DCC: variants seen among roughly 807,000 people sequenced by gnomAD.
DCC encodes the protein netrin receptor DCC.
DCC carries 58 observed loss-of-function variants against 172.5 expected under a neutral mutation model. The ratio of observed to expected loss-of-function variants is 0.34; its 90% confidence interval spans 0.27 to 0.42. The LOEUF (loss-of-function observed/expected upper bound fraction) is 0.42. DCC is among the 10% of genes least tolerant of loss of function. DCC has a pLI of 1.00. For synonymous variants in DCC, 709 were observed against 644.5 expected, an observed-to-expected ratio of 1.10 and a Z score of -1.52; for missense variants, 1,740 against 1,791.0, an observed-to-expected ratio of 0.97 and a Z score of 0.51.
chr18:52,808,317 C>T (rs1278961195), intron 2 of DCC, among the ~76,000 whole-genome samples: 1 of 151,824 alleles, frequency 6.6e-6, no homozygotes, highest in African/African-American at 2.4e-5. Flanking sequence ...TGTGATTTGA[C>T]ATCTAAACCA....
intron 5 of DCC, among the ~76,000 whole-genome samples, chr18:53,052,764 C>T (rs922036278): frequency 2.3e-4 from 35 of 152,184 alleles, no homozygotes; most frequent in African/African-American, 8.2e-4. Context: ...CTGTTCATTT[C>T]ATTGATGGTC....
intron 1 of DCC, among the ~76,000 whole-genome samples, chr18:52,624,793 T>C (rs1040406097): frequency 2.0e-5 from 3 of 152,158 alleles, no homozygotes; most frequent in African/African-American, 7.2e-5. Flanking sequence ...CTTTTCCATC[T>C]CATTAAGGAG....
chr18:52,836,557 G>A (rs560529444), intron 2 of DCC, among the ~76,000 whole-genome samples: 1 of 152,296 alleles, frequency 6.6e-6, no homozygotes, highest in South Asian at 2.1e-4. Context: ...AATCCAACAG[G>A]GCAGTCATTA....
chr18:52,803,724 G>T (rs1160599412), intron 2 of DCC, among the ~76,000 whole-genome samples: 1 of 152,032 alleles, frequency 6.6e-6, no homozygotes, highest in African/African-American at 2.4e-5. Context: ...TCACACCTAG[G>T]TTGCTCAAGA....
chr18:53,311,815 G>T (rs1477318179), intron 13 of DCC, among the ~76,000 whole-genome samples: 1 of 152,170 alleles, frequency 6.6e-6, no homozygotes, highest in East Asian at 1.9e-4. Context: ...GTTTTTCATG[G>T]TCAACCAGCT....
intron 11 of DCC, among the ~76,000 whole-genome samples, chr18:53,209,452 T>C (rs1339195898): frequency 6.6e-6 from 1 of 152,170 alleles, no homozygotes; most frequent in Non-Finnish European, 1.5e-5. Flanking sequence ...ATCTTTTTAA[T>C]TAAAAAATGA....
At chr18:53,376,090 A>G (rs1907265483) in intron 15 of DCC, among the ~76,000 whole-genome samples, 2 of 152,124 alleles carry the variant, frequency 1.3e-5, no homozygotes, top group South Asian at 4.1e-4. Flanking sequence ...TAATTGATAC[A>G]AATATTATTT....
At chr18:53,505,683 T>TA (rs1205082153) in intron 27 of DCC, among the ~76,000 whole-genome samples, 1 of 152,060 alleles carries the variant, frequency 6.6e-6, no homozygotes, top group Non-Finnish European at 1.5e-5. Context: ...AAGTGAAAAA[T>TA]AATAAATAAT....
chr18:53,179,157 A>T, intron 9 of DCC, 41 bp downstream of exon 9: 1 of 1,587,104 alleles, frequency 6.3e-7, no homozygotes, highest in South Asian at 1.1e-5. Flanking sequence ...AAAAGTATTT[A>T]TTTTCCTCTG....
At chr18:52,706,819 A>G (rs2036219191) in intron 1 of DCC, among the ~76,000 whole-genome samples, 1 of 152,184 alleles carries the variant, frequency 6.6e-6, no homozygotes, top group Non-Finnish European at 1.5e-5. Flanking sequence ...AAACTCTAAA[A>G]CATGGTGAGA....
At chr18:52,804,080 G>C (rs1326256838) in intron 2 of DCC, among the ~76,000 whole-genome samples, 1 of 152,090 alleles carries the variant, frequency 6.6e-6, no homozygotes, top group South Asian at 2.1e-4. Flanking sequence ...CCTGGCCCCT[G>C]TACAATGTGT....
intron 1 of DCC, among the ~76,000 whole-genome samples, chr18:52,667,477 C>G (rs1049690786): frequency 6.6e-6 from 1 of 152,148 alleles, no homozygotes; most frequent in African/African-American, 2.4e-5. Context: ...AGGCTCAGAC[C>G]TTGCAGGAGA....
intron 1 of DCC, 49 bp downstream of exon 1, chr18:52,340,927 C>A: frequency 7.3e-7 from 1 of 1,373,550 alleles, no homozygotes; most frequent in East Asian, 2.3e-5. Context: ...CCGTACCCCA[C>A]TTCCCTTCTC....
chr18:53,354,164 G>T (rs936505211), intron 15 of DCC, among the ~76,000 whole-genome samples: 1 of 152,110 alleles, frequency 6.6e-6, no homozygotes. Flanking sequence ...TTCTATCATT[G>T]ATGGACATTT....
At chr18:53,115,526 C>A (rs1466009250) in intron 7 of DCC, among the ~76,000 whole-genome samples, 2 of 151,390 alleles carry the variant, frequency 1.3e-5, no homozygotes, top group East Asian at 2.0e-4. Context: ...ACTGGACCAT[C>A]CAATTTCACT....
Position 53,292,733 on chromosome 18 carries a change from G to C in DCC, c.1912-12845G>C, listed in dbSNP as rs552087359. On this transcript the variant is annotated intron_variant, in intron 12 of 28. Transcript: ENST00000442544. ...AAACAAAACAAAAAAACAAATCTTT[G>C]CACAATGCTGAATTGTCTTTGAGAA... is the stretch of plus-strand genomic sequence containing the variant. Among the ~76,000 whole-genome samples the C allele has an allele frequency of 2.6e-5, 4 of 152,128 alleles. No individual in the cohort carries two copies. The South Asian group carries it at 8.3e-4, about 32-fold the overall frequency.
chr18:52,587,871 G>A (rs972115713), intron 1 of DCC, among the ~76,000 whole-genome samples: 17 of 152,212 alleles, frequency 1.1e-4, no homozygotes, highest in African/African-American at 2.4e-4. Flanking sequence ...GGCTGGGGAT[G>A]AGAAGGTAGG....
intron 9 of DCC, among the ~76,000 whole-genome samples, chr18:53,203,303 T>C (rs1419133978): frequency 6.6e-6 from 1 of 151,668 alleles, no homozygotes; most frequent in Non-Finnish European, 1.5e-5. Flanking sequence ...GTGTTGACAA[T>C]AGGTAAGTCT....
At chr18:52,447,381 A>G (rs1190967570) in intron 1 of DCC, among the ~76,000 whole-genome samples, 1 of 152,214 alleles carries the variant, frequency 6.6e-6, no homozygotes, top group African/African-American at 2.4e-5. Flanking sequence ...ATTACTGTAA[A>G]TAAAGGTCAG....
Sources: gnomAD v4.1 joint callset for allele counts (sites outside exome capture counted in the v4.1 genomes callset) on GRCh38, gnomAD v4.1.1 for gene constraint, MANE v1.5 for transcripts, NCBI Gene and HGNC (gene_info 2026-07-23, HGNC 2026-07-21) for gene names.